TBK1: variants seen among roughly 807,000 people sequenced by gnomAD.
The protein encoded by TBK1 is serine/threonine-protein kinase TBK1.
A neutral mutation model predicts 99.9 loss-of-function variants in TBK1; 37 were observed. The ratio of observed to expected loss-of-function variants is 0.37; its 90% CI spans 0.28 to 0.49. TBK1 has a LOEUF of 0.49. TBK1 is among the 20% of genes least tolerant of loss of function. TBK1 has a pLI of 0.98. For synonymous variants in TBK1, 258 were observed against 279.8 expected, an observed-to-expected ratio of 0.92 and a Z score of 0.78; for missense variants, 644 against 872.5, an observed-to-expected ratio of 0.74 and a Z score of 3.30.
intron 10 of TBK1, 108 bp downstream of exon 10, chr12:64,485,621 G>T: frequency 1.9e-6 from 1 of 538,344 alleles, no homozygotes; most frequent in Non-Finnish European, 3.1e-6. Context: ...TATGACTTAG[G>T]AAATTATTCA....
At chr12:64,481,549 T>A (rs1013577152) in intron 7 of TBK1, among the ~76,000 whole-genome samples, 1 of 152,068 alleles carries the variant, frequency 6.6e-6, no homozygotes, top group Non-Finnish European at 1.5e-5. Flanking sequence ...GCCCCAGAGT[T>A]TGAGACTGCA....
chr12:64,460,106 T>A (rs1396834468), intron 2 of TBK1, 83 bp from the exon 3 acceptor site: 4 of 888,120 alleles, frequency 4.5e-6, no homozygotes, highest in Non-Finnish European at 6.2e-6. Context: ...GAAAATAAGT[T>A]GCAATAGCGA....
intron 6 of TBK1, among the ~76,000 whole-genome samples, chr12:64,474,740 C>A (rs1329576521): frequency 6.6e-6 from 1 of 152,160 alleles, no homozygotes; most frequent in Non-Finnish European, 1.5e-5. Context: ...ATACATAGTT[C>A]TGTGGAGTAT....
Position 64,484,506 on chromosome 12 carries a change from T to G in TBK1, c.1189+7T>G. The G allele has an allele frequency of 2.5e-6, 4 of 1,594,122 alleles. No individual in the cohort carries two copies. Among genetic ancestry groups the G allele is most frequent in the Non-Finnish European group, 3.4e-6 (4 of 1,172,298 alleles). On this transcript the variant is annotated splice_region_variant and intron_variant, in intron 9 of 20. Transcript: ENST00000331710. ...GGATTAATATATGAAAAAAGTAAGT[T>G]GGGATTTTTCTTGTCGTTCTTACTA...
At chr12:64,496,810 G>T in intron 16 of TBK1, 139 bp from the exon 17 acceptor site, 1 of 603,990 alleles carries the variant, frequency 1.7e-6, no homozygotes, top group Non-Finnish European at 2.8e-6. Flanking sequence ...TCTTAGAAAC[G>T]TTTACTTTCT....
intron 6 of TBK1, among the ~76,000 whole-genome samples, chr12:64,476,828 T>A (rs2136072125): frequency 6.6e-6 from 1 of 152,334 alleles, no homozygotes; most frequent in Non-Finnish European, 1.5e-5. Flanking sequence ...CTTTAATTCA[T>A]CTTGAGTTAA....
At chr12:64,490,001 A>C in intron 12 of TBK1, 40 bp from the exon 13 acceptor site, 1 of 1,252,336 alleles carries the variant, frequency 8.0e-7, no homozygotes, top group Non-Finnish European at 1.1e-6. Context: ...CTATGTATTG[A>C]TTATACTCAT....
chr12:64,480,122 G>T lies in TBK1; in HGVS notation c.812G>T (p.Arg271Leu). The T allele has an allele frequency of 1.2e-6, 2 of 1,607,382 alleles. No homozygotes were observed. Among genetic ancestry groups the T allele is most frequent in the Non-Finnish European group, 1.7e-6 (2 of 1,175,812 alleles). ...GDMPVSCSLS[R>L]GLQVLLTPVL... ...ATGCCTGTTTCTTGCAGTCTTTCTC[G>T]GTAAGTATGGTGTACCTAATTCTCA... Residue 271 changes from arginine (R) to leucine (L), a missense_variant and splice_region_variant, in exon 7 of 21, where the codon CGG (arginine) becomes CTG (leucine). By Grantham distance (102) the Arg-to-Leu change is moderately radical (BLOSUM62 -2). This residue lies in a region of TBK1 where 465 missense variants were observed against 588.0 expected (regional missense o/e 0.79). Coordinates refer to ENST00000331710, the MANE Select transcript of TBK1 (RefSeq NM_013254.4).
At chr12:64,486,744 A>G (rs2040824656) in intron 11 of TBK1, among the ~76,000 whole-genome samples, 2 of 152,124 alleles carry the variant, frequency 1.3e-5, no homozygotes, top group Non-Finnish European at 2.9e-5. Flanking sequence ...TATAATTCAT[A>G]TACTATATAA....
At chr12:64,497,355 A>G in intron 18 of TBK1, 96 bp downstream of exon 18, 1 of 889,058 alleles carries the variant, frequency 1.1e-6, no homozygotes, top group Non-Finnish European at 1.7e-6. Context: ...GCCTACATTC[A>G]GTTCCACCCA....
At chr12:64,468,365 TGCCTGTAATCTCA>T (rs1209943156) in intron 5 of TBK1, among the ~76,000 whole-genome samples, 2 of 151,934 alleles carry the variant, frequency 1.3e-5, no homozygotes, top group African/African-American at 2.4e-5. Flanking sequence ...TGGTGGCGTG[TGCCTGTAATCTCA>T]GCTACTTTGG....
rs185524052 is a variant in TBK1 at position 64,501,361 on chromosome 12, C to G, written c.2170C>G (p.Arg724Gly). 5 of 1,613,860 alleles carry G rather than the reference C, an allele frequency of 3.1e-6. No individual in the cohort carries two copies. The highest frequency in any genetic ancestry group is 4.2e-6 in the Non-Finnish European group (5 of 1,179,950). Residue 724 changes from arginine to glycine, a missense_variant, in exon 21 of 21, where the codon CGC (arginine) becomes GGC (glycine). Coordinates refer to ENST00000331710, the MANE Select transcript of TBK1 (RefSeq NM_013254.4). ...CTCTTTAACCATGGATGGTGGCCTT[C>G]GCAACGTTGACTGTCTTTAGCTTTC... ...FGSLTMDGGL[R>G]NVDCL
intron 6 of TBK1, among the ~76,000 whole-genome samples, chr12:64,476,886 G>T (rs779300477): frequency 3.9e-4 from 59 of 152,116 alleles, no homozygotes; most frequent in Non-Finnish European, 6.9e-4. Flanking sequence ...TCTGCATATG[G>T]TTAGCTAGTT....
At position 64,474,232 on chromosome 12, in the gene TBK1, C is replaced by T. The variant is rs1237540862; in HGVS notation, c.543C>T (p.His181=). ...TTTTCTTTTTTTTTTAATCTTAGCA[C>T]CCTGATATGTATGAGAGAGCAGTGC... ...VSLYGTEEYL[H]PDMYERAVLR... Residue 181 remains histidine, a splice_region_variant and synonymous_variant, in exon 6 of 21, where the codon CAC becomes CAT. Transcript: ENST00000331710. 6.2e-7 allele frequency: 1 copy of T among 1,608,258 alleles called. No individual in the cohort carries two copies. The highest frequency in any genetic ancestry group is 2.2e-5 in the East Asian group (1 of 44,762).
chr12:64,501,506 T>C lies in TBK1; in HGVS notation c.*125T>C. On this transcript the variant is annotated 3_prime_UTR_variant, in exon 21 of 21. Transcript: ENST00000331710. ...TCAGTATTTGATGTGGTCGTGTAAATATGTACAATATTGTAAATACATAAA... is the reference window on the plus strand; with the variant it reads ...TCAGTATTTGATGTGGTCGTGTAAACATGTACAATATTGTAAATACATAAA... The C allele has an allele frequency of 1.1e-6, 1 of 902,436 alleles. No homozygotes were observed. The highest frequency in any genetic ancestry group is 1.7e-6 in the Non-Finnish European group (1 of 594,786). 55.9% of individuals were successfully genotyped at this position (902,436 alleles called of 1,614,324 possible). A position where few individuals can be genotyped will look rare whatever the true frequency, so the allele number is the denominator to read the frequency against.
At chr12:64,468,000 CACA>C (rs2040623816) in intron 5 of TBK1, among the ~76,000 whole-genome samples, 2 of 152,132 alleles carry the variant, frequency 1.3e-5, no homozygotes, top group South Asian at 4.2e-4. Context: ...CCAGTCTGGG[CACA>C]ATGACAAGAC....
chr12:64,458,512 C>CATATATAT lies in TBK1; in HGVS notation c.88-1664_88-1657dup, dbSNP rs10626258. On this transcript the variant is annotated intron_variant, in intron 2 of 20. Coordinates refer to ENST00000331710, the MANE Select transcript of TBK1 (RefSeq NM_013254.4). ...GTTGATCTGCACATATGGATATATA[C>CATATATAT]ATATATATATATATATATATGGATC... is the stretch of plus-strand genomic sequence containing the variant. Among the ~76,000 whole-genome samples, 313 of 144,148 alleles carry CATATATAT rather than the reference C, an allele frequency of 2.2e-3. 1 individual carries two copies. Among genetic ancestry groups the CATATATAT allele is most frequent in the African/African-American group, 4.0e-3 (156 of 39,194 alleles). 94.6% of individuals were successfully genotyped at this position (144,148 alleles called of 152,430 possible).
intron 1 of TBK1, among the ~76,000 whole-genome samples, chr12:64,455,330 A>G (rs2040475397): frequency 6.6e-6 from 1 of 152,144 alleles, no homozygotes; most frequent in South Asian, 2.1e-4. Context: ...TTATTATAGT[A>G]TGTATAGTGT....
chr12:64,492,118 G>T (rs1370520428), intron 13 of TBK1, among the ~76,000 whole-genome samples: 4 of 152,142 alleles, frequency 2.6e-5, no homozygotes, highest in African/African-American at 7.2e-5. Context: ...CCATATTGCT[G>T]TCAGTGTTTT....
Sources: allele counts gnomAD v4.1 joint callset (sites outside exome capture counted in the v4.1 genomes callset), GRCh38; gene constraint gnomAD v4.1.1; regional missense constraint gnomAD v4.1.1; transcripts MANE v1.5; gene names NCBI Gene and HGNC (gene_info 2026-07-23, HGNC 2026-07-21).